Variants in MAP4K3 observed in about 807,000 individuals in gnomAD.
The protein encoded by MAP4K3 is MAPK/ERK kinase kinase kinase 3.
MAP4K3 carries 94 observed loss-of-function variants against 143.5 expected under a neutral mutation model. The ratio of observed to expected loss-of-function variants is 0.65; its 90% CI spans 0.55 to 0.78. The LOEUF (loss-of-function observed/expected upper bound fraction) is 0.78. MAP4K3 is among the 30% of genes least tolerant of loss of function. The pLI, the probability that MAP4K3 is intolerant of heterozygous loss-of-function variation, is 0.00. For synonymous variants in MAP4K3, 416 were observed against 347.2 expected, an observed-to-expected ratio of 1.20 and a Z score of -2.20; for missense variants, 1,077 against 1,068.1, an observed-to-expected ratio of 1.01 and a Z score of -0.12.
chr2:39,436,469 C>G (rs1357698665), intron 1 of MAP4K3, among the ~76,000 whole-genome samples: 1 of 152,072 alleles, frequency 6.6e-6, no homozygotes, highest in Non-Finnish European at 1.5e-5. Flanking sequence ...CAGCAGCTCC[C>G]AACCTAGAGC....
chr2:39,344,287 G>A (rs971751069), intron 3 of MAP4K3, among the ~76,000 whole-genome samples: 4 of 152,062 alleles, frequency 2.6e-5, no homozygotes, highest in African/African-American at 7.2e-5. Context: ...TATGGCCAGC[G>A]GACCAAATCT....
chr2:39,328,526 G>C (rs752658574), intron 8 of MAP4K3, among the ~76,000 whole-genome samples: 1 of 151,960 alleles, frequency 6.6e-6, no homozygotes, highest in Non-Finnish European at 1.5e-5. Flanking sequence ...CAAATATAGA[G>C]ACAGAAATCA....
chr2:39,299,154 T>G (rs1214601756), intron 16 of MAP4K3, among the ~76,000 whole-genome samples: 1 of 152,094 alleles, frequency 6.6e-6, no homozygotes, highest in African/African-American at 2.4e-5. Flanking sequence ...ACCTGGCAAA[T>G]GAACAATTTA....
Position 39,369,193 on chromosome 2 carries a change from G to GTTTTTTTGTTTGTTTTTTTTTTTTTTTTT in MAP4K3, c.154+8872_154+8873insAAAAAAAAAAAAAAAAACAAACAAAAAAA, listed in dbSNP as rs747293878. On this transcript the variant is annotated intron_variant, in intron 2 of 33. Coordinates refer to ENST00000263881, the MANE Select transcript of MAP4K3 (RefSeq NM_003618.4). The stretch of plus-strand genomic sequence containing the variant: ...GGGTAAAATCTAAACCTTTGGGCTA[G>GTTTTTTTGTTTGTTTTTTTTTTTTTTTTT]TTTTTTTTTTTGTTTTTTTTGAGAT... Among the ~76,000 whole-genome samples the GTTTTTTTGTTTGTTTTTTTTTTTTTTTTT allele has an allele frequency of 6.9e-4, 26 of 37,944 alleles. 1 individual carries two copies. Among genetic ancestry groups the GTTTTTTTGTTTGTTTTTTTTTTTTTTTTT allele is most frequent in the Non-Finnish European group, 1.1e-3 (16 of 13,990 alleles). 24.9% of individuals were successfully genotyped at this position (37,944 alleles called of 152,430 possible).
intron 2 of MAP4K3, among the ~76,000 whole-genome samples, chr2:39,359,336 T>C (rs1471878243): frequency 6.6e-6 from 1 of 152,200 alleles, no homozygotes; most frequent in African/African-American, 2.4e-5. Context: ...ATCCAGGTCA[T>C]GCTGATAACA....
chr2:39,414,492 G>A (rs1231481844), intron 1 of MAP4K3, among the ~76,000 whole-genome samples: 1 of 151,984 alleles, frequency 6.6e-6, no homozygotes, highest in Non-Finnish European at 1.5e-5. Context: ...TTTGAGAAAT[G>A]GCCCCCACAT....
chr2:39,327,679 T>C (rs1683539823), intron 8 of MAP4K3, among the ~76,000 whole-genome samples: 2 of 152,236 alleles, frequency 1.3e-5, no homozygotes, highest in Non-Finnish European at 2.9e-5. Context: ...CTTAAAATCT[T>C]TTAAATCTGA....
intron 3 of MAP4K3, among the ~76,000 whole-genome samples, chr2:39,346,180 C>T (rs190062416): frequency 2.6e-4 from 39 of 152,212 alleles, no homozygotes; most frequent in African/African-American, 9.1e-4. Context: ...TTTCTAATCC[C>T]CCAGAGAATG....
intron 7 of MAP4K3, among the ~76,000 whole-genome samples, chr2:39,332,999 T>C (rs993359336): frequency 1.3e-5 from 2 of 152,128 alleles, no homozygotes; most frequent in Non-Finnish European, 1.5e-5. Context: ...GTTCTTAAAC[T>C]TGCAAATTAA....
At chr2:39,429,408 T>A (rs1003945217) in intron 1 of MAP4K3, among the ~76,000 whole-genome samples, 1 of 152,158 alleles carries the variant, frequency 6.6e-6, no homozygotes, top group African/African-American at 2.4e-5. Flanking sequence ...GAGTGACAGA[T>A]CCCACACAAT....
chr2:39,285,957 G>A (rs1681757675), intron 21 of MAP4K3, among the ~76,000 whole-genome samples: 1 of 152,092 alleles, frequency 6.6e-6, no homozygotes, highest in Non-Finnish European at 1.5e-5. Context: ...TGTTTTAATA[G>A]TTCTGATGTT....
rs1313112825 is a variant in MAP4K3 at position 39,309,445 on chromosome 2, A to G, written c.1056+16T>C. ...ATTTATTTTCAGTGCTAACATTCTAAGGCTATACTACTTACAAGTTCATGA... is the reference window on the plus strand; with the variant it reads ...ATTTATTTTCAGTGCTAACATTCTAGGGCTATACTACTTACAAGTTCATGA... On this transcript the variant is annotated intron_variant, in intron 14 of 33. Transcript: ENST00000263881. 1.0e-5 allele frequency: 16 copies of G among 1,559,518 alleles called. No homozygotes were observed. The East Asian group carries it at 3.4e-4, about 33-fold the overall frequency.
chr2:39,319,218 TCAATTA>T (rs1440433820), intron 12 of MAP4K3, among the ~76,000 whole-genome samples: 1 of 151,784 alleles, frequency 6.6e-6, no homozygotes, highest in Non-Finnish European at 1.5e-5. Context: ...GTATATACAC[TCAATTA>T]CATACTTTTT....
intron 3 of MAP4K3, among the ~76,000 whole-genome samples, chr2:39,355,517 G>A (rs1665587142): frequency 6.6e-6 from 1 of 152,030 alleles, no homozygotes; most frequent in African/African-American, 2.4e-5. Flanking sequence ...GGGTGACAGA[G>A]TGAGACTCTG....
chr2:39,364,042 A>G (rs1432137643), intron 2 of MAP4K3, among the ~76,000 whole-genome samples: 1 of 151,878 alleles, frequency 6.6e-6, no homozygotes, highest in Non-Finnish European at 1.5e-5. Context: ...CCAGGATATG[A>G]ATACCCCCGT....
Position 39,437,059 on chromosome 2 carries a change from G to C in MAP4K3, c.-72C>G, listed in dbSNP as rs978998596. 2.5e-6 allele frequency: 3 copies of C among 1,188,560 alleles called. No homozygotes were observed. The highest frequency in any genetic ancestry group is 3.0e-5 in the South Asian group (2 of 66,840). 73.6% of individuals were successfully genotyped at this position (1,188,560 alleles called of 1,614,324 possible). A position where few individuals can be genotyped will look rare whatever the true frequency, so the allele number is the denominator to read the frequency against. ...GGCCGCTCAGGGGGCCACACGGAGA[G>C]AGGGCGCCGCGGCCGGCTCCCGGCT... On this transcript the variant is annotated 5_prime_UTR_variant, in exon 1 of 34. Transcript: ENST00000263881.
At chr2:39,293,921 G>A (rs1468841521) in intron 16 of MAP4K3, 2 of 152,244 alleles carry the variant, frequency 1.3e-5, no homozygotes, top group Non-Finnish European at 2.9e-5. Flanking sequence ...AGACCAGGTC[G>A]AGGATTTTAC....
At chr2:39,336,737 T>G (rs750338881) in intron 6 of MAP4K3, among the ~76,000 whole-genome samples, 183 bp downstream of exon 6, 3 of 152,102 alleles carry the variant, frequency 2.0e-5, no homozygotes, top group African/African-American at 7.2e-5. Flanking sequence ...GTGAATTTTA[T>G]GGTATGTGAA....
chr2:39,285,891 T>C (rs1249250154), intron 21 of MAP4K3, among the ~76,000 whole-genome samples: 1 of 152,230 alleles, frequency 6.6e-6, no homozygotes, highest in Non-Finnish European at 1.5e-5. Flanking sequence ...GTAAGTCAAT[T>C]CTTTACAAAT....
Sources: allele counts gnomAD v4.1 joint callset (sites outside exome capture counted in the v4.1 genomes callset), GRCh38; gene constraint gnomAD v4.1.1; transcripts MANE v1.5; gene names NCBI Gene and HGNC (gene_info 2026-07-23, HGNC 2026-07-21).